MS4A18: variants seen among roughly 807,000 people sequenced by gnomAD.
MS4A18 encodes the protein membrane spanning 4-domains A18, also known as membrane-spanning 4-domains subfamily A member 18.
Under a neutral mutation model 13.1 loss-of-function variants are expected in MS4A18, and 27 were observed. The observed-to-expected ratio is 2.06, with a 90% CI of 1.52 to 2.84. MS4A18 has a LOEUF of 2.84. Among genes scored for constraint, MS4A18 ranks in the 30% most tolerant of loss-of-function variants. The pLI is 0.00. For missense variants in MS4A18, 307 were observed against 196.4 expected (o/e 1.56, Z -3.37); for synonymous variants, 126 against 76.5 (o/e 1.65, Z -3.38).
intron 3 of MS4A18, among the ~76,000 whole-genome samples, chr11:60,737,393 G>A (rs1044216094): frequency 1.1e-4 from 17 of 152,260 alleles, no homozygotes; most frequent in African/African-American, 3.9e-4. Context: ...GTATTTACAC[G>A]CAGTGCCTTA....
intron 2 of MS4A18, among the ~76,000 whole-genome samples, chr11:60,736,134 G>A (rs1392023278): frequency 2.0e-5 from 3 of 151,992 alleles, no homozygotes; most frequent in South Asian, 4.2e-4. Flanking sequence ...TCCTTTGAGG[G>A]GTAGCTTCAA....
At chr11:60,730,114 AG>A (rs1048310578) in intron 1 of MS4A18, among the ~76,000 whole-genome samples, 3 of 152,358 alleles carry the variant, frequency 2.0e-5, no homozygotes, top group Middle Eastern at 3.4e-3. Context: ...CAGGCAATCC[AG>A]GTCTCAGGCC....
chr11:60,737,334 A>T (rs952724777), intron 3 of MS4A18, among the ~76,000 whole-genome samples: 2 of 152,222 alleles, frequency 1.3e-5, no homozygotes. Flanking sequence ...TTCTTTTTTA[A>T]CTATTGCATT....
chr11:60,734,971 C>T (rs535035158), intron 2 of MS4A18, among the ~76,000 whole-genome samples: 81 of 151,228 alleles, frequency 5.4e-4, no homozygotes, highest in Admixed American at 7.9e-4. Context: ...TTAGTAGAGA[C>T]GGGGTTTTGC....
At chr11:60,737,465 G>A (rs1056502378) in intron 3 of MS4A18, among the ~76,000 whole-genome samples, 5 of 152,276 alleles carry the variant, frequency 3.3e-5, no homozygotes, top group Middle Eastern at 3.4e-3. Context: ...TGTGCATCTC[G>A]GCCATCTCTT....
At chr11:60,732,749 A>G (rs1000360726) in intron 1 of MS4A18, among the ~76,000 whole-genome samples, 31 of 148,120 alleles carry the variant, frequency 2.1e-4, no homozygotes, top group African/African-American at 5.5e-4. Context: ...AAAAAAAAAA[A>G]AAAGAAACAC....
At chr11:60,742,723 T>A (rs1853428596) in intron 5 of MS4A18, among the ~76,000 whole-genome samples, 3 of 152,210 alleles carry the variant, frequency 2.0e-5, no homozygotes, top group African/African-American at 4.8e-5. Flanking sequence ...GACAATCTTG[T>A]TTTCTAACTC....
At chr11:60,731,273 G>A (rs891695815) in intron 1 of MS4A18, among the ~76,000 whole-genome samples, 6 of 152,186 alleles carry the variant, frequency 3.9e-5, no homozygotes, top group Admixed American at 2.0e-4. Flanking sequence ...GTTAACTTTG[G>A]CTAGCAATTA....
At chr11:60,741,125 C>T (rs1459362369) in exon 5 of MS4A18, 1 of 703,074 alleles carries the variant, frequency 1.4e-6, no homozygotes. Context: ...GCCAGGCTAC[C>T]TGCTGCAGAC....
At chr11:60,738,288 A>G (rs1853370558) in intron 3 of MS4A18, among the ~76,000 whole-genome samples, 1 of 152,198 alleles carries the variant, frequency 6.6e-6, no homozygotes, top group Non-Finnish European at 1.5e-5. Flanking sequence ...AAAGTTGAAT[A>G]TGAGAATTTC....
chr11:60,738,158 T>G (rs1442806359), intron 3 of MS4A18, among the ~76,000 whole-genome samples: 1 of 152,196 alleles, frequency 6.6e-6, no homozygotes, highest in Non-Finnish European at 1.5e-5. Flanking sequence ...ACGGTCCCTT[T>G]CTCTTTCACC....
intron 2 of MS4A18, 33 bp downstream of exon 3, chr11:60,733,680 G>A (rs1853291844): frequency 1.4e-6 from 1 of 703,250 alleles, no homozygotes. Flanking sequence ...TCCTTCCTGG[G>A]TCACCAGACT....
At chr11:60,734,499 G>C (rs1853306761) in intron 2 of MS4A18, among the ~76,000 whole-genome samples, 1 of 152,180 alleles carries the variant, frequency 6.6e-6, no homozygotes, top group African/African-American at 2.4e-5. Flanking sequence ...TCATAAGGCA[G>C]ATGTTAATCA....
exon 6 of MS4A18, chr11:60,744,188 T>C: frequency 1.7e-6 from 1 of 574,346 alleles, no homozygotes; most frequent in Non-Finnish European, 3.1e-6. Flanking sequence ...TGTCTTTTTT[T>C]TCATTCATAA....
intron 2 of MS4A18, 81 bp from the exon 4 acceptor site, chr11:60,736,897 A>T (rs1183069534): frequency 3.0e-6 from 2 of 674,062 alleles, no homozygotes; most frequent in African/African-American, 3.6e-5. Context: ...AGATTGAGAA[A>T]TGCGTCTCTG....
intron 5 of MS4A18, 141 bp from the exon 7 acceptor site, chr11:60,743,509 A>G (rs1853436667): frequency 3.2e-6 from 2 of 619,466 alleles, no homozygotes; most frequent in Non-Finnish European, 5.7e-6. Context: ...CCCTTGGCCA[A>G]AGAAAGTCAC....
At chr11:60,731,383 G>GCCAAAAAT (rs1263063093) in intron 1 of MS4A18, among the ~76,000 whole-genome samples, 1 of 152,138 alleles carries the variant, frequency 6.6e-6, no homozygotes, top group Non-Finnish European at 1.5e-5. Flanking sequence ...AAGCCAAAAA[G>GCCAAAAAT]CCAAAACTGC....
At chr11:60,743,751 T>C (rs1853442764) in exon 6 of MS4A18, 1 of 702,738 alleles carries the variant, frequency 1.4e-6, no homozygotes, top group African/African-American at 1.7e-5. Flanking sequence ...CCACTGGCCC[T>C]GTCAGTGCCA....
At chr11:60,732,946 AT>A (rs1853278524) in intron 1 of MS4A18, among the ~76,000 whole-genome samples, 1 of 152,224 alleles carries the variant, frequency 6.6e-6, no homozygotes, top group Admixed American at 6.5e-5. Flanking sequence ...TCTTCGAGTT[AT>A]TTCTAAACAG....
Sources: allele counts gnomAD v4.1 joint callset (sites outside exome capture counted in the v4.1 genomes callset), GRCh38; gene constraint gnomAD v4.1.1; transcripts MANE v1.5; gene names NCBI Gene and HGNC (gene_info 2026-07-23, HGNC 2026-07-21).